The following IL6ST variants were observed in gnomAD, a reference collection of about 807,000 sequenced individuals.
The protein encoded by IL6ST is interleukin 6 cytokine family signal transducer.
Under a neutral mutation model 91.3 loss-of-function variants are expected in IL6ST, and 24 were observed. That is an observed-to-expected ratio of 0.26 (90% CI 0.19 to 0.37). The LOEUF is 0.37. Ranked by LOEUF, IL6ST falls within the 10% of genes least tolerant of loss-of-function variation. IL6ST has a pLI of 1.00. For synonymous variants in IL6ST, 351 were observed against 373.6 expected (o/e 0.94, Z 0.70); for missense variants, 914 against 1,078.5 (o/e 0.85, Z 2.14).
Position 55,971,654 on chromosome 5 carries a change from T to C in IL6ST, c.65-1799A>G, listed in dbSNP as rs1255830537. On this transcript the variant is annotated intron_variant, in intron 3 of 16. Coordinates refer to ENST00000381298, the MANE Select transcript of IL6ST (RefSeq NM_002184.4). ...GGGCAACATGGCAAAACCCCATCTC[T>C]ACAAAAAAAATATAAATATTAGCCA... Among the ~76,000 whole-genome samples, 3 of 152,038 alleles carry C rather than the reference T, an allele frequency of 2.0e-5. No individual in the cohort carries two copies. The East Asian group carries it at 5.8e-4, about 29-fold the overall frequency.
At chr5:55,980,120 G>C (rs1205213801) in intron 2 of IL6ST, among the ~76,000 whole-genome samples, 1 of 152,206 alleles carries the variant, frequency 6.6e-6, no homozygotes, top group Non-Finnish European at 1.5e-5. Context: ...GAGGATAAAA[G>C]TTCAAATACT....
intron 15 of IL6ST, among the ~76,000 whole-genome samples, chr5:55,943,788 G>A (rs1009882955): frequency 2.0e-5 from 3 of 152,124 alleles, no homozygotes; most frequent in East Asian, 3.8e-4. Context: ...AACACAAAGC[G>A]GCTGGGCGCG....
At position 55,941,173 on chromosome 5, in the gene IL6ST, T is replaced by C; in HGVS notation, c.2666A>G (p.Glu889Gly). The C allele has an allele frequency of 1.2e-6, 2 of 1,614,172 alleles. No individual in the cohort carries two copies. The highest frequency in any genetic ancestry group is 1.3e-5 in the African/African-American group (1 of 75,058). ...AGTCGCAGCCTCCATGCCAACTGTT[T>C]CAAATCTTTCTACTTGTCCCTCAGT... is the stretch of plus-strand genomic sequence containing the variant. ...PGTEGQVERFETVGMEAATDE... is the reference protein window; with the variant it reads ...PGTEGQVERFGTVGMEAATDE... Residue 889 changes from glutamate to glycine, a missense_variant, in exon 17 of 17, where the codon GAA becomes GGA. Transcript: ENST00000381298.
Position 55,964,218 on chromosome 5 carries a change from C to G in IL6ST, c.586G>C (p.Val196Leu). The change falls in exon 6 of 17, where the codon GTC (valine) becomes CTC (leucine). Residue 196 changes from valine to leucine, a missense_variant. Coordinates refer to ENST00000381298, the MANE Select transcript of IL6ST (RefSeq NM_002184.4). ...YSTVYFVNIE[V>L]WVEAENALGK... ...AGGGCATTCTCTGCTTCTACCCAGA[C>G]TTCAATGTTGACAAAATACACAGTA... is the stretch of plus-strand genomic sequence containing the variant. The G allele has an allele frequency of 6.2e-7, 1 of 1,610,956 alleles. No homozygotes were observed. The highest frequency in any genetic ancestry group is 1.8e-4 in the Middle Eastern group (1 of 5,518).
At chr5:55,965,700 C>G (rs1362307544) in intron 5 of IL6ST, among the ~76,000 whole-genome samples, 1 of 150,632 alleles carries the variant, frequency 6.6e-6, no homozygotes, top group African/African-American at 2.4e-5. Context: ...TGTGTCAAGA[C>G]GATGAATGAG....
At position 55,940,251 on chromosome 5, in the gene IL6ST, T is replaced by C. The variant is rs1376396263; in HGVS notation, c.*831A>G. On this transcript the variant is annotated 3_prime_UTR_variant, in exon 17 of 17. Transcript: ENST00000381298. ...TACTACTTCCTGTTTTCCCCTTTAC[T>C]ACTACAATTTAAGCCTTTAAAAATG... 1.9e-5 allele frequency: 4 copies of C among 211,702 alleles called. No individual in the cohort carries two copies. The highest frequency in any genetic ancestry group is 3.8e-5 in the Non-Finnish European group (4 of 104,318). 13.1% of individuals were successfully genotyped at this position (211,702 alleles called of 1,614,324 possible).
In IL6ST at chr5:55,951,922, T is replaced by C. The variant is rs753212255; in HGVS notation, c.1699+7A>G. The C allele has an allele frequency of 3.5e-5, 49 of 1,389,692 alleles. No homozygotes were observed. The highest frequency in any genetic ancestry group is 4.5e-5 in the Non-Finnish European group (44 of 987,158). The allele number at this position is 1,389,692 out of a possible 1,614,324, so 86.1% of individuals were successfully genotyped here. Reference sequence around the variant, plus strand: ...CTGATTCTTAATAACTGATACAGTTTTATTACCAGTTTCATTTCCAATGAT... The same window carrying C: ...CTGATTCTTAATAACTGATACAGTTCTATTACCAGTTTCATTTCCAATGAT... On this transcript the variant is annotated splice_region_variant and intron_variant, in intron 13 of 16. Coordinates refer to ENST00000381298, the MANE Select transcript of IL6ST (RefSeq NM_002184.4).
At chr5:55,978,279 G>C (rs747421442) in intron 2 of IL6ST, 8 of 152,204 alleles carry the variant, frequency 5.3e-5, no homozygotes, top group Non-Finnish European at 8.8e-5. Flanking sequence ...TCACAGGAAA[G>C]AAAGACAGAT....
In IL6ST at chr5:55,937,441, C is replaced by G. The variant is rs1213369813; in HGVS notation, c.*3641G>C. ...AAATAGGTTAATGCAAAAGATAATA[C>G]GCTTGGCTTTGTAAAGTTTTGTTTT... On this transcript the variant is annotated 3_prime_UTR_variant, in exon 17 of 17. Coordinates refer to ENST00000381298, the MANE Select transcript of IL6ST (RefSeq NM_002184.4). The G allele has an allele frequency of 4.7e-6, 1 of 211,786 alleles. No individual in the cohort carries two copies. Among genetic ancestry groups the G allele is most frequent in the Non-Finnish European group, 9.6e-6 (1 of 104,528 alleles). The allele number at this position is 211,786 out of a possible 1,614,324, so 13.1% of individuals were successfully genotyped here.
Position 55,939,336 on chromosome 5 carries a change from G to C in IL6ST, c.*1746C>G, listed in dbSNP as rs972067363. On this transcript the variant is annotated 3_prime_UTR_variant, in exon 17 of 17. Coordinates refer to ENST00000381298, the MANE Select transcript of IL6ST (RefSeq NM_002184.4). ...CTAAAGTGGGAAACTGAATATATCA[G>C]AATGAAACATCTATTTTTTTCATAA... 1 of 202,476 alleles carries C rather than the reference G, an allele frequency of 4.9e-6. No homozygotes were observed. Among genetic ancestry groups the C allele is most frequent in the Non-Finnish European group, 1.0e-5 (1 of 98,686 alleles). 12.5% of individuals were successfully genotyped at this position (202,476 alleles called of 1,614,324 possible).
Position 55,953,483 on chromosome 5 carries a change from G to A in IL6ST, c.1451-1132C>T, listed in dbSNP as rs538965791. On this transcript the variant is annotated intron_variant, in intron 11 of 16. Coordinates refer to ENST00000381298, the MANE Select transcript of IL6ST (RefSeq NM_002184.4). ...TGGCTCACTGCAACCTCCGCCTCCC[G>A]GGTTCAAGAGATTCTCCAGCCTCAG... is the stretch of plus-strand genomic sequence containing the variant. 1.1e-4 allele frequency among the ~76,000 whole-genome samples: 17 copies of A among 152,230 alleles called. 2 individuals carry two copies. The highest frequency in any genetic ancestry group is 1.2e-4 in the African/African-American group (5 of 41,548).
chr5:55,984,028 C>CTT (rs138320937), intron 1 of IL6ST, among the ~76,000 whole-genome samples: 5,034 of 151,414 alleles, frequency 0.033, 279 homozygotes, highest in African/African-American at 0.12. Flanking sequence ...TTCTACAACA[C>CTT]TTAACACCTT....
intron 2 of IL6ST, among the ~76,000 whole-genome samples, chr5:55,978,657 G>A (rs956055838): frequency 1.4e-4 from 22 of 152,274 alleles, no homozygotes; most frequent in African/African-American, 5.1e-4. Context: ...CCTGGGAGGC[G>A]GAGGCTGCAG....
chr5:55,946,716 C>G (rs545409382), intron 15 of IL6ST, among the ~76,000 whole-genome samples: 1 of 151,584 alleles, frequency 6.6e-6, no homozygotes, highest in South Asian at 2.1e-4. Flanking sequence ...ACTCAAGAGG[C>G]TGAGGCAGGA....
chr5:55,936,098 A>C lies in IL6ST; in HGVS notation c.*4984T>G. On this transcript the variant is annotated 3_prime_UTR_variant, in exon 17 of 17. Transcript: ENST00000381298. The stretch of plus-strand genomic sequence containing the variant: ...GACTCACTACATTTTTTTAGACAAA[A>C]TCACAATGTGAAGGCACATTAATAG... The C allele has an allele frequency of 4.4e-6, 1 of 228,690 alleles. No homozygotes were observed. The highest frequency in any genetic ancestry group is 8.7e-6 in the Non-Finnish European group (1 of 115,212). The allele number at this position is 228,690 out of a possible 1,614,324, so 14.2% of individuals were successfully genotyped here. A position where few individuals can be genotyped will look rare whatever the true frequency, so the allele number is the denominator to read the frequency against.
At chr5:55,983,455 T>A (rs1753780611) in intron 1 of IL6ST, among the ~76,000 whole-genome samples, 1 of 152,216 alleles carries the variant, frequency 6.6e-6, no homozygotes, top group African/African-American at 2.4e-5. Context: ...AAATTAAGCC[T>A]GCTAACAACT....
chr5:55,951,568 A>G lies in IL6ST; in HGVS notation c.1736T>C (p.Leu579Ser). Residue 579 changes from leucine to serine, a missense_variant, in exon 14 of 17, where the codon TTG becomes TCG. Transcript: ENST00000381298. Reference protein sequence around the residue: ...NVDSSHTEYTLSSLTSDTLYM... With the variant: ...NVDSSHTEYTSSSLTSDTLYM... ...CAATGTGTCACTAGTCAAAGAGGAC[A>G]ATGTATATTCTGTGTGGGAAGAATC... 1 of 1,613,016 alleles carries G rather than the reference A, an allele frequency of 6.2e-7. No homozygotes were observed. Among genetic ancestry groups the G allele is most frequent in the Non-Finnish European group, 8.5e-7 (1 of 1,179,066 alleles).
At position 55,963,124 on chromosome 5, in the gene IL6ST, A is replaced by G. The variant is rs1050772269; in HGVS notation, c.813+228T>C. On this transcript the variant is annotated intron_variant, in intron 7 of 16. Coordinates refer to ENST00000381298, the MANE Select transcript of IL6ST (RefSeq NM_002184.4). ...AAAAAAAGCCATTTCCTATCACCCT[A>G]TATCATTTTCATGTTTTACTTAAAG... Among the ~76,000 whole-genome samples the G allele has an allele frequency of 1.1e-4, 16 of 151,598 alleles. 1 individual carries two copies. The highest frequency in any genetic ancestry group is 2.2e-4 in the Non-Finnish European group (15 of 67,910).
intron 7 of IL6ST, 99 bp from the exon 8 acceptor site, chr5:55,960,660 C>T (rs1752256748): frequency 1.8e-6 from 2 of 1,139,208 alleles, no homozygotes; most frequent in South Asian, 1.6e-5. Context: ...CACAGCCTTG[C>T]TCTGTTGCCC....
Sources: allele counts gnomAD v4.1 joint callset (sites outside exome capture counted in the v4.1 genomes callset), GRCh38; gene constraint gnomAD v4.1.1; transcripts MANE v1.5; gene names NCBI Gene and HGNC (gene_info 2026-07-23, HGNC 2026-07-21).